NRP1: variants seen among roughly 807,000 people sequenced by gnomAD.
NRP1 encodes the protein neuropilin 1, also known as neuropilin-1.
In NRP1, 35 loss-of-function variants were observed where a neutral mutation model predicts 106.7. That is an observed-to-expected ratio of 0.33 (90% CI 0.25 to 0.43). The LOEUF is 0.43. NRP1 is among the 20% of genes least tolerant of loss of function. The pLI is 1.00. For missense variants in NRP1, 1,024 were observed against 1,170.4 expected (o/e 0.87, Z 1.83); for synonymous variants, 437 against 417.9 (o/e 1.05, Z -0.56).
intron 6 of NRP1, among the ~76,000 whole-genome samples, chr10:33,229,589 G>T (rs1359849879): frequency 2.6e-5 from 4 of 152,108 alleles, no homozygotes; most frequent in Admixed American, 2.6e-4. Context: ...AACAACCCTA[G>T]AACTTCATTC....
intron 2 of NRP1, among the ~76,000 whole-genome samples, chr10:33,294,161 G>A (rs4934871): frequency 0.15 from 22,657 of 152,190 alleles, 1,833 homozygotes; most frequent in Non-Finnish European, 0.18. Context: ...ATGTCATGGT[G>A]GGGGTCCTAC....
chr10:33,304,238 C>T (rs1031476670), intron 2 of NRP1, among the ~76,000 whole-genome samples: 4 of 152,192 alleles, frequency 2.6e-5, no homozygotes, highest in African/African-American at 7.2e-5. Flanking sequence ...GTCTCCATTC[C>T]GTCTTCTTTC....
Position 33,200,524 on chromosome 10 carries a change from C to T in NRP1, c.1864+2367G>A, listed in dbSNP as rs146395054. Reference sequence around the variant, plus strand: ...AGGAGAAGAAATTAAATCCACACCACCTGTGCTAAGGAACAGACAACCCCT... The same window carrying T: ...AGGAGAAGAAATTAAATCCACACCATCTGTGCTAAGGAACAGACAACCCCT... On this transcript the variant is annotated intron_variant, in intron 11 of 16. Transcript: ENST00000374867. Among the ~76,000 whole-genome samples the T allele has an allele frequency of 7.3e-3, 1,105 of 152,296 alleles. 7 individuals carry two copies. The highest frequency in any genetic ancestry group is 0.01 in the Non-Finnish European group (696 of 68,018).
chr10:33,300,379 C>T (rs12267915), intron 2 of NRP1, among the ~76,000 whole-genome samples: 5,512 of 152,300 alleles, frequency 0.036, 326 homozygotes, highest in African/African-American at 0.12. Flanking sequence ...ACAAATCTGT[C>T]ACTGCATCAG....
intron 2 of NRP1, among the ~76,000 whole-genome samples, chr10:33,303,082 T>G (rs929660388): frequency 3.3e-5 from 5 of 152,094 alleles, no homozygotes; most frequent in Non-Finnish European, 5.9e-5. Flanking sequence ...CCCTCAAGAG[T>G]CACTCAAGAA....
chr10:33,325,421 T>C (rs758902982), intron 2 of NRP1, among the ~76,000 whole-genome samples: 6 of 152,036 alleles, frequency 3.9e-5, no homozygotes, highest in African/African-American at 7.2e-5. Context: ...TCCATGCTAG[T>C]AATAATAAAG....
chr10:33,270,940 G>T, intron 2 of NRP1, 84 bp from the exon 3 acceptor site: 2 of 1,206,794 alleles, frequency 1.7e-6, no homozygotes, highest in Non-Finnish European at 2.3e-6. Context: ...GCATCATCCA[G>T]CATAGTGTGC....
intron 2 of NRP1, among the ~76,000 whole-genome samples, chr10:33,280,436 C>A (rs1844035853): frequency 6.6e-6 from 1 of 152,104 alleles, no homozygotes; most frequent in Non-Finnish European, 1.5e-5. Flanking sequence ...TAAAACTGTG[C>A]CATCTGGAAG....
At chr10:33,332,131 T>C (rs1360199010) in intron 1 of NRP1, among the ~76,000 whole-genome samples, 1 of 152,168 alleles carries the variant, frequency 6.6e-6, no homozygotes, top group African/African-American at 2.4e-5. Context: ...ACAGAAATCA[T>C]TTCCCATAAA....
intron 2 of NRP1, among the ~76,000 whole-genome samples, chr10:33,307,014 C>T (rs1307708484): frequency 6.6e-6 from 1 of 152,194 alleles, no homozygotes; most frequent in African/African-American, 2.4e-5. Flanking sequence ...TGGACTTTTC[C>T]ATACTCTGCA....
chr10:33,207,822 T>C (rs1278515878), intron 9 of NRP1, 106 bp from the exon 10 acceptor site: 1 of 1,245,652 alleles, frequency 8.0e-7, no homozygotes, highest in Non-Finnish European at 1.1e-6. Flanking sequence ...GCAGAGAAAT[T>C]GGCTTCATTC....
intron 6 of NRP1, among the ~76,000 whole-genome samples, chr10:33,230,670 T>A (rs774820027): frequency 1.3e-5 from 2 of 151,438 alleles, no homozygotes; most frequent in Non-Finnish European, 2.9e-5. Flanking sequence ...CTACAACTTA[T>A]CCGCCCTAGA....
At chr10:33,203,889 C>T (rs528914001) in intron 10 of NRP1, among the ~76,000 whole-genome samples, 2 of 110,392 alleles carry the variant, frequency 1.8e-5, no homozygotes, top group African/African-American at 2.9e-5. Context: ...TACAGGCGCC[C>T]GCCACCGCGC....
At chr10:33,264,014 CT>C in intron 3 of NRP1, 141 bp from the exon 4 acceptor site, 1 of 611,428 alleles carries the variant, frequency 1.6e-6, no homozygotes, top group South Asian at 2.1e-5. Flanking sequence ...ATTAGTCAGC[CT>C]TTTCATATTA....
At chr10:33,189,287 GC>G (rs1836247057) in intron 13 of NRP1, among the ~76,000 whole-genome samples, 1 of 152,148 alleles carries the variant, frequency 6.6e-6, no homozygotes, top group East Asian at 1.9e-4. Context: ...TGCACACTCT[GC>G]CTCTATCTAA....
At chr10:33,258,398 CAG>C (rs1353132143) in intron 4 of NRP1, among the ~76,000 whole-genome samples, 1 of 152,166 alleles carries the variant, frequency 6.6e-6, no homozygotes, top group Admixed American at 6.5e-5. Context: ...TGACTGAATT[CAG>C]AGTTTTCTCT....
chr10:33,232,924 A>G (rs1840272104), intron 6 of NRP1, among the ~76,000 whole-genome samples: 1 of 152,102 alleles, frequency 6.6e-6, no homozygotes, highest in Admixed American at 6.5e-5. Flanking sequence ...CTGGGATTAC[A>G]GGCATGAGCC....
chr10:33,226,856 C>T (rs1021065191), intron 6 of NRP1, among the ~76,000 whole-genome samples: 1 of 152,160 alleles, frequency 6.6e-6, no homozygotes, highest in Non-Finnish European at 1.5e-5. Flanking sequence ...CCTTTCTGGA[C>T]CAAACCAATG....
intron 2 of NRP1, among the ~76,000 whole-genome samples, chr10:33,302,073 CAG>C (rs1258400822): frequency 6.6e-6 from 1 of 152,052 alleles, no homozygotes; most frequent in Non-Finnish European, 1.5e-5. Flanking sequence ...CTACTTAGTA[CAG>C]AGTCTCTGTA....
Sources: gnomAD v4.1 joint callset for allele counts (sites outside exome capture counted in the v4.1 genomes callset) on GRCh38, gnomAD v4.1.1 for gene constraint, MANE v1.5 for transcripts, NCBI Gene and HGNC (gene_info 2026-07-23, HGNC 2026-07-21) for gene names.